The following PDE7B variants were observed in gnomAD, a reference collection of about 807,000 sequenced individuals.
PDE7B encodes the protein 3',5'-cyclic-AMP phosphodiesterase 7B.
Under a neutral mutation model 56.2 loss-of-function variants are expected in PDE7B, and 29 were observed. The ratio of observed to expected loss-of-function variants is 0.52; its 90% CI spans 0.38 to 0.70. The LOEUF (loss-of-function observed/expected upper bound fraction) is 0.70, where lower values mean the gene tolerates loss of function less well. PDE7B is among the 30% of genes least tolerant of loss of function. The pLI is 0.00. For synonymous variants in PDE7B, 197 were observed against 196.9 expected (o/e 1.00, Z 0.00); for missense variants, 490 against 565.0 (o/e 0.87, Z 1.35).
At chr6:136,097,259 T>G (rs527572346) in intron 2 of PDE7B, among the ~76,000 whole-genome samples, 11 of 152,332 alleles carry the variant, frequency 7.2e-5, no homozygotes, top group Admixed American at 2.0e-4. Flanking sequence ...CTTGACATTT[T>G]TGCTTTGAAA....
intron 3 of PDE7B, among the ~76,000 whole-genome samples, chr6:136,132,191 C>A (rs1778130022): frequency 6.6e-6 from 1 of 152,086 alleles, no homozygotes; most frequent in South Asian, 2.1e-4. Context: ...ACAGTGATTT[C>A]CCATTTCCAC....
intron 2 of PDE7B, among the ~76,000 whole-genome samples, chr6:136,058,150 C>T (rs1201781608): frequency 6.6e-6 from 1 of 152,162 alleles, no homozygotes; most frequent in Non-Finnish European, 1.5e-5. Context: ...GCAGATCTTT[C>T]CAAAGCACCA....
At chr6:135,887,694 G>T (rs141292633) in intron 1 of PDE7B, among the ~76,000 whole-genome samples, 1 of 151,968 alleles carries the variant, frequency 6.6e-6, no homozygotes, top group Non-Finnish European at 1.5e-5. Flanking sequence ...AGGCTTAATT[G>T]GCTATGCAAA....
At chr6:136,027,560 CTG>C (rs1001730406) in intron 2 of PDE7B, among the ~76,000 whole-genome samples, 1 of 151,980 alleles carries the variant, frequency 6.6e-6, no homozygotes, top group Non-Finnish European at 1.5e-5. Flanking sequence ...TTCTAAGACA[CTG>C]TTTTAGTTGT....
intron 8 of PDE7B, chr6:136,166,514 G>A (rs556485697): frequency 6.4e-6 from 1 of 155,366 alleles, no homozygotes; most frequent in Non-Finnish European, 1.4e-5. Flanking sequence ...TACAGTCATG[G>A]CAGATGGCAA....
chr6:135,978,125 G>T (rs551050767), intron 2 of PDE7B, among the ~76,000 whole-genome samples: 1 of 152,174 alleles, frequency 6.6e-6, no homozygotes, highest in East Asian at 1.9e-4. Context: ...ACACAAACCT[G>T]GATGGTATAG....
At chr6:136,078,357 A>G (rs1413715548) in intron 2 of PDE7B, among the ~76,000 whole-genome samples, 1 of 152,114 alleles carries the variant, frequency 6.6e-6, no homozygotes, top group Non-Finnish European at 1.5e-5. Flanking sequence ...AGCCTTCACA[A>G]CCCATTTGAC....
intron 2 of PDE7B, among the ~76,000 whole-genome samples, chr6:136,055,791 G>A (rs1776718070): frequency 6.6e-6 from 1 of 152,122 alleles, no homozygotes; most frequent in African/African-American, 2.4e-5. Flanking sequence ...TACAGAGGAG[G>A]GCTGCCCATG....
chr6:136,179,497 A>G (rs537713498), intron 10 of PDE7B, among the ~76,000 whole-genome samples: 4 of 152,238 alleles, frequency 2.6e-5, no homozygotes, highest in Non-Finnish European at 5.9e-5. Context: ...AGTGGTTCCC[A>G]ACTAAGCAAA....
intron 2 of PDE7B, among the ~76,000 whole-genome samples, chr6:136,091,429 G>A (rs898003365): frequency 6.6e-6 from 1 of 152,182 alleles, no homozygotes; most frequent in Non-Finnish European, 1.5e-5. Context: ...GTGGGCAAAA[G>A]CTTATCTTTT....
In PDE7B at chr6:136,191,706, G is replaced by A. The variant is rs201422143; in HGVS notation, c.1219G>A (p.Ala407Thr). ...GTCGGAGAACATGCTGGGCCACCTC[G>A]CACACAACAAGGCCCAGTGGAAGAG... ...TLSENMLGHL[A>T]HNKAQWKSLL... Residue 407 changes from alanine to threonine, a missense_variant, in exon 13 of 13, where the codon GCA becomes ACA. Transcript: ENST00000308191. The A allele has an allele frequency of 1.1e-5, 17 of 1,613,116 alleles. No individual in the cohort carries two copies. The highest frequency in any genetic ancestry group is 2.2e-5 in the East Asian group (1 of 44,798).
At chr6:136,184,293 TG>T in intron 11 of PDE7B, among the ~76,000 whole-genome samples, 1 of 152,284 alleles carries the variant, frequency 6.6e-6, no homozygotes, top group South Asian at 2.1e-4. Flanking sequence ...AATAAGTGAA[TG>T]AATAAATGAT....
intron 2 of PDE7B, among the ~76,000 whole-genome samples, chr6:135,977,165 C>T (rs79181442): frequency 0.03 from 4,626 of 152,092 alleles, 208 homozygotes; most frequent in African/African-American, 0.099. Context: ...AGAATCCTCC[C>T]GCTTCAGGTT....
intron 2 of PDE7B, among the ~76,000 whole-genome samples, chr6:135,994,612 A>G (rs955120548): frequency 6.6e-6 from 1 of 152,192 alleles, no homozygotes; most frequent in Non-Finnish European, 1.5e-5. Context: ...ATCCGATTGG[A>G]AGAGACTTTT....
chr6:136,107,230 G>A (rs1409788720), intron 2 of PDE7B, among the ~76,000 whole-genome samples: 1 of 152,150 alleles, frequency 6.6e-6, no homozygotes, highest in Non-Finnish European at 1.5e-5. Flanking sequence ...AGAGAGGACT[G>A]TTCTTCCTTT....
At chr6:136,180,052 T>C (rs1303208431) in intron 10 of PDE7B, among the ~76,000 whole-genome samples, 2 of 152,172 alleles carry the variant, frequency 1.3e-5, no homozygotes, top group Admixed American at 6.5e-5. Context: ...CAAAAAAACA[T>C]AGTGAATGGA....
intron 2 of PDE7B, among the ~76,000 whole-genome samples, chr6:136,042,336 T>A (rs890824974): frequency 6.6e-6 from 1 of 152,228 alleles, no homozygotes; most frequent in African/African-American, 2.4e-5. Flanking sequence ...GCAACCTGTT[T>A]AAGACTAGAT....
chr6:136,150,949 A>C (rs1355216874), intron 5 of PDE7B, among the ~76,000 whole-genome samples: 3 of 152,170 alleles, frequency 2.0e-5, no homozygotes, highest in East Asian at 3.9e-4. Flanking sequence ...GTGAAGGGAG[A>C]AGGTCTGAGC....
chr6:135,918,992 A>G (rs1774012586), intron 1 of PDE7B, among the ~76,000 whole-genome samples: 1 of 152,362 alleles, frequency 6.6e-6, no homozygotes, highest in East Asian at 1.9e-4. Flanking sequence ...ATTCATTTTA[A>G]AAACTCCCCA....
Sources: allele counts gnomAD v4.1 joint callset (sites outside exome capture counted in the v4.1 genomes callset), GRCh38; gene constraint gnomAD v4.1.1; transcripts MANE v1.5; gene names NCBI Gene and HGNC (gene_info 2026-07-23, HGNC 2026-07-21).